Variants in ZNF804B observed in about 807,000 individuals in gnomAD.
ZNF804B encodes the protein zinc finger protein 804B, also known as zinc finger 804B.
In ZNF804B, 80 loss-of-function variants were observed where a neutral mutation model predicts 101.4. The observed-to-expected ratio is 0.79, with a 90% confidence interval of 0.66 to 0.95. The LOEUF is 0.95. Ranked by LOEUF, ZNF804B falls within the 40% of genes least tolerant of loss-of-function variation. The pLI, the probability that ZNF804B is intolerant of heterozygous loss-of-function variation, is 0.00. For synonymous variants in ZNF804B, 622 were observed against 558.8 expected, an observed-to-expected ratio of 1.11 and a Z score of -1.59; for missense variants, 1,673 against 1,561.9, an observed-to-expected ratio of 1.07 and a Z score of -1.20.
chr7:88,976,632 GA>G (rs1457392493), intron 1 of ZNF804B, among the ~76,000 whole-genome samples: 1 of 151,362 alleles, frequency 6.6e-6, no homozygotes, highest in Non-Finnish European at 1.5e-5. Flanking sequence ...TTTTTTTGGT[GA>G]ACTCTTTCAG....
At chr7:88,941,702 T>A (rs1323380997) in intron 1 of ZNF804B, among the ~76,000 whole-genome samples, 1 of 151,976 alleles carries the variant, frequency 6.6e-6, no homozygotes, top group Non-Finnish European at 1.5e-5. Flanking sequence ...CATTATACAT[T>A]CGTCAAAATC....
intron 1 of ZNF804B, among the ~76,000 whole-genome samples, chr7:88,767,084 A>T (rs1485822538): frequency 6.6e-6 from 1 of 152,136 alleles, no homozygotes; most frequent in East Asian, 1.9e-4. Flanking sequence ...TCACATAATT[A>T]TCAAGTTTTT....
At chr7:89,201,723 T>G (rs1788642750) in intron 1 of ZNF804B, among the ~76,000 whole-genome samples, 1 of 152,042 alleles carries the variant, frequency 6.6e-6, no homozygotes, top group African/African-American at 2.4e-5. Context: ...TGGAGTAAAA[T>G]CTGTATCATT....
chr7:89,165,670 C>T (rs1791131189), intron 1 of ZNF804B, among the ~76,000 whole-genome samples: 1 of 151,992 alleles, frequency 6.6e-6, no homozygotes, highest in Non-Finnish European at 1.5e-5. Context: ...CTGTAAAGAA[C>T]TCCTGCACTT....
intron 1 of ZNF804B, among the ~76,000 whole-genome samples, chr7:88,831,353 T>A (rs577956166): frequency 6.6e-6 from 1 of 152,004 alleles, no homozygotes; most frequent in Admixed American, 6.6e-5. Context: ...TGAAGAGCTA[T>A]AATGTATTCT....
intron 1 of ZNF804B, among the ~76,000 whole-genome samples, chr7:88,762,492 T>A (rs894775515): frequency 6.6e-6 from 1 of 152,218 alleles, no homozygotes; most frequent in Non-Finnish European, 1.5e-5. Flanking sequence ...TCTAGATAAA[T>A]GTGTGTTTGC....
At chr7:89,155,793 A>G (rs964065008) in intron 1 of ZNF804B, among the ~76,000 whole-genome samples, 1 of 152,106 alleles carries the variant, frequency 6.6e-6, no homozygotes, top group African/African-American at 2.4e-5. Context: ...CCTTCCTCTC[A>G]ATAGGAACAT....
chr7:89,106,442 A>G (rs1790137724), intron 1 of ZNF804B, among the ~76,000 whole-genome samples: 2 of 152,136 alleles, frequency 1.3e-5, no homozygotes, highest in South Asian at 4.1e-4. Flanking sequence ...AAACTGGGTG[A>G]TATAGTAATG....
intron 2 of ZNF804B, among the ~76,000 whole-genome samples, chr7:89,233,575 G>T (rs764310275): frequency 5.9e-5 from 9 of 152,174 alleles, no homozygotes; most frequent in Admixed American, 4.6e-4. Flanking sequence ...ACCTCAATGT[G>T]GGGGTGGGCT....
chr7:89,308,458 A>G (rs531426479), intron 2 of ZNF804B, among the ~76,000 whole-genome samples: 81 of 152,306 alleles, frequency 5.3e-4, no homozygotes, highest in African/African-American at 1.8e-3. Flanking sequence ...ACATCCTAAT[A>G]GGAATTCCCA....
At chr7:89,119,248 T>C (rs774941252) in intron 1 of ZNF804B, among the ~76,000 whole-genome samples, 1 of 152,176 alleles carries the variant, frequency 6.6e-6, no homozygotes, top group Non-Finnish European at 1.5e-5. Flanking sequence ...TATTGATGGC[T>C]TAGGCTCTAT....
chr7:89,164,773 C>T (rs1052197715), intron 1 of ZNF804B, among the ~76,000 whole-genome samples: 5 of 152,210 alleles, frequency 3.3e-5, no homozygotes, highest in East Asian at 1.9e-4. Flanking sequence ...CACAGCATAA[C>T]ATTATGTTGC....
intron 2 of ZNF804B, among the ~76,000 whole-genome samples, chr7:89,297,669 A>G (rs180884819): frequency 1.3e-5 from 2 of 152,104 alleles, no homozygotes; most frequent in African/African-American, 4.8e-5. Flanking sequence ...GAACTCTCAT[A>G]TATCCCTAGA....
At chr7:89,124,173 T>C (rs1435292322) in intron 1 of ZNF804B, among the ~76,000 whole-genome samples, 1 of 152,256 alleles carries the variant, frequency 6.6e-6, no homozygotes, top group Non-Finnish European at 1.5e-5. Context: ...TAAACAAACT[T>C]GTACTGCAGT....
At chr7:88,923,876 A>T (rs1792758613) in intron 1 of ZNF804B, among the ~76,000 whole-genome samples, 1 of 152,154 alleles carries the variant, frequency 6.6e-6, no homozygotes, top group Non-Finnish European at 1.5e-5. Context: ...TGATATCCCT[A>T]CAGGTCAATA....
At chr7:88,824,323 T>G (rs1791025748) in intron 1 of ZNF804B, among the ~76,000 whole-genome samples, 1 of 152,114 alleles carries the variant, frequency 6.6e-6, no homozygotes, top group African/African-American at 2.4e-5. Context: ...TGTTCTTGTG[T>G]TGTTGATGGT....
At chr7:89,028,767 T>A (rs75417286) in intron 1 of ZNF804B, among the ~76,000 whole-genome samples, 3,472 of 152,254 alleles carry the variant, frequency 0.023, 137 homozygotes, top group African/African-American at 0.079. Context: ...TTGTCAAACA[T>A]GAATAATAAC....
At chr7:89,323,109 A>G (rs1206547935) in intron 2 of ZNF804B, among the ~76,000 whole-genome samples, 1 of 152,242 alleles carries the variant, frequency 6.6e-6, no homozygotes, top group Admixed American at 6.5e-5. Context: ...TCTCTGGCCT[A>G]GGCCATGTGA....
At chr7:88,949,038 G>GT (rs937561408) in intron 1 of ZNF804B, among the ~76,000 whole-genome samples, 42 of 145,656 alleles carry the variant, frequency 2.9e-4, no homozygotes, top group Middle Eastern at 3.5e-3. Context: ...GCGTTGGTGT[G>GT]TTTTTTTTTT....
Sources: allele counts gnomAD v4.1 joint callset (sites outside exome capture counted in the v4.1 genomes callset), GRCh38; gene constraint gnomAD v4.1.1; transcripts MANE v1.5; gene names NCBI Gene and HGNC (gene_info 2026-07-23, HGNC 2026-07-21).